RBFOX1: variants seen among roughly 807,000 people sequenced by gnomAD.
RBFOX1 encodes the protein RNA binding fox-1 homolog 1.
A neutral mutation model predicts 57.7 loss-of-function variants in RBFOX1; 8 were observed. That is an observed-to-expected ratio of 0.14 (90% CI 0.08 to 0.25). RBFOX1 has a LOEUF of 0.25. Among genes scored for constraint, RBFOX1 ranks in the 10% least tolerant of loss-of-function variants. The pLI is 1.00. For synonymous variants in RBFOX1, 326 were observed against 222.4 expected (o/e 1.47, Z -4.15); for missense variants, 611 against 548.5 (o/e 1.11, Z -1.14).
chr16:7,443,407 C>G (rs1044159034), intron 4 of RBFOX1, among the ~76,000 whole-genome samples: 1 of 151,860 alleles, frequency 6.6e-6, no homozygotes, highest in Admixed American at 6.6e-5. Flanking sequence ...ATTTAATAAG[C>G]TCTGGCTTCA....
At chr16:6,883,186 G>T (rs374669754) in intron 3 of RBFOX1, among the ~76,000 whole-genome samples, 2 of 152,162 alleles carry the variant, frequency 1.3e-5, no homozygotes, top group African/African-American at 4.8e-5. Flanking sequence ...TTAATGTTCT[G>T]AACCTAAGCA....
chr16:5,825,101 G>A (rs1358932531), intron 3 of RBFOX1, among the ~76,000 whole-genome samples: 1 of 152,234 alleles, frequency 6.6e-6, no homozygotes, highest in Non-Finnish European at 1.5e-5. Flanking sequence ...GAAGGAATTG[G>A]AGGTGGTCTG....
intron 4 of RBFOX1, among the ~76,000 whole-genome samples, chr16:7,490,677 T>G (rs966404491): frequency 6.6e-6 from 1 of 152,192 alleles, no homozygotes; most frequent in Non-Finnish European, 1.5e-5. Flanking sequence ...TCTGTGCTAG[T>G]TCATAAGTCC....
intron 4 of RBFOX1, among the ~76,000 whole-genome samples, chr16:7,358,261 AG>A (rs1439951801): frequency 6.6e-6 from 1 of 152,258 alleles, no homozygotes; most frequent in Non-Finnish European, 1.5e-5. Context: ...AAACCGTGAC[AG>A]AGAAAGAGGG....
upstream of RBFOX1, among the ~76,000 whole-genome samples, chr16:6,018,186 G>A (rs1227442651): frequency 2.0e-5 from 3 of 151,890 alleles, no homozygotes; most frequent in Admixed American, 6.6e-5. Flanking sequence ...GGGAGGAAAG[G>A]AGGAAGGAAG....
chr16:7,175,264 T>G (rs903459362), intron 4 of RBFOX1, among the ~76,000 whole-genome samples: 1 of 152,226 alleles, frequency 6.6e-6, no homozygotes, highest in South Asian at 2.1e-4. Flanking sequence ...GTATTTTCAT[T>G]TTTCAGCTCC....
At chr16:6,585,026 A>G (rs956854018) in intron 2 of RBFOX1, among the ~76,000 whole-genome samples, 1 of 152,142 alleles carries the variant, frequency 6.6e-6, no homozygotes, top group Admixed American at 6.5e-5. Context: ...CCCAGGCAGA[A>G]CCTGGTCAAG....
chr16:6,638,378 T>C (rs1419043482), intron 2 of RBFOX1, among the ~76,000 whole-genome samples: 1 of 152,194 alleles, frequency 6.6e-6, no homozygotes, highest in Non-Finnish European at 1.5e-5. Context: ...TCTTCCTTAT[T>C]TCAATTTTCT....
chr16:7,212,996 T>G (rs1269973019), intron 4 of RBFOX1, among the ~76,000 whole-genome samples: 3 of 152,184 alleles, frequency 2.0e-5, no homozygotes, highest in Admixed American at 6.5e-5. Context: ...CTTCCAGTCA[T>G]CTTGTAAGGC....
chr16:5,810,731 C>A (rs1011109327), intron 3 of RBFOX1, among the ~76,000 whole-genome samples: 1 of 152,166 alleles, frequency 6.6e-6, no homozygotes, highest in African/African-American at 2.4e-5. Context: ...GGACTAAGAC[C>A]TCATAGCTTC....
chr16:5,272,071 G>C (rs1432206876), intron 1 of RBFOX1, among the ~76,000 whole-genome samples: 1 of 152,224 alleles, frequency 6.6e-6, no homozygotes, highest in African/African-American at 2.4e-5. Context: ...GGAATGTAGA[G>C]ATCCCTTCAA....
Position 7,209,308 on chromosome 16 carries a change from G to C in RBFOX1, c.27+157210G>C, listed in dbSNP as rs370452871. On this transcript the variant is annotated intron_variant, in intron 4 of 15. Coordinates refer to ENST00000550418, the MANE Select transcript of RBFOX1 (RefSeq NM_018723.4). ...TGATATCGTGCCATTGCATTCCAGC[G>C]TAGGCGACAAGAGCGAAACTCTGTT... 2.6e-5 allele frequency among the ~76,000 whole-genome samples: 4 copies of C among 152,100 alleles called. No homozygotes were observed. In the East Asian group the frequency reaches 7.7e-4, roughly 29 times the overall value.
intron 4 of RBFOX1, among the ~76,000 whole-genome samples, chr16:7,145,520 G>T (rs1180655777): frequency 6.7e-6 from 1 of 149,948 alleles, no homozygotes; most frequent in Non-Finnish European, 1.5e-5. Flanking sequence ...TTCCCCTTTT[G>T]CCATGTGATT....
intron 4 of RBFOX1, among the ~76,000 whole-genome samples, chr16:7,087,299 C>A (rs1427791488): frequency 6.6e-6 from 1 of 152,148 alleles, no homozygotes; most frequent in African/African-American, 2.4e-5. Flanking sequence ...CGGCCGCCTT[C>A]CTGTAAATTC....
At chr16:6,503,541 C>G (rs1415006452) in intron 2 of RBFOX1, among the ~76,000 whole-genome samples, 1 of 152,224 alleles carries the variant, frequency 6.6e-6, no homozygotes, top group Non-Finnish European at 1.5e-5. Context: ...CCTAGAATGT[C>G]TTGACACACA....
chr16:6,239,557 G>A (rs1478836700), intron 1 of RBFOX1, among the ~76,000 whole-genome samples: 1 of 127,430 alleles, frequency 7.8e-6, no homozygotes, highest in Non-Finnish European at 1.6e-5. Context: ...GGAGTGCAGT[G>A]GCACAACCTC....
chr16:5,716,587 A>G (rs981184500), intron 3 of RBFOX1, among the ~76,000 whole-genome samples: 1 of 152,246 alleles, frequency 6.6e-6, no homozygotes, highest in Non-Finnish European at 1.5e-5. Flanking sequence ...AGAAAAAGGA[A>G]CGCTTATATG....
At chr16:7,450,325 C>T (rs1020264906) in intron 4 of RBFOX1, among the ~76,000 whole-genome samples, 1 of 127,742 alleles carries the variant, frequency 7.8e-6, no homozygotes, top group African/African-American at 3.0e-5. Context: ...ACCAGGGAGT[C>T]GGAGGTTGCA....
chr16:6,658,091 C>T (rs1403501061), intron 3 of RBFOX1, among the ~76,000 whole-genome samples: 1 of 152,032 alleles, frequency 6.6e-6, no homozygotes, highest in African/African-American at 2.4e-5. Context: ...CCATGGAGTC[C>T]TACGGGGCCT....
Sources: gnomAD v4.1 joint callset for allele counts (sites outside exome capture counted in the v4.1 genomes callset) on GRCh38, gnomAD v4.1.1 for gene constraint, MANE v1.5 for transcripts, NCBI Gene and HGNC (gene_info 2026-07-23, HGNC 2026-07-21) for gene names.